The following GRHL1 variants were observed in gnomAD, a reference collection of about 807,000 sequenced individuals.
GRHL1 encodes grainyhead-like protein 1 homolog.
A neutral mutation model predicts 75.7 loss-of-function variants in GRHL1; 38 were observed. The ratio of observed to expected loss-of-function variants is 0.50; its 90% CI spans 0.39 to 0.66. The LOEUF is 0.66. Ranked by LOEUF, GRHL1 falls within the 30% of genes least tolerant of loss-of-function variation. The probability of loss-of-function intolerance (pLI) is 0.00; values close to 1 mark genes in which losing one functional copy is unlikely to be tolerated. For missense variants in GRHL1, 589 were observed against 767.5 expected (o/e 0.77, Z 2.75); for synonymous variants, 266 against 279.4 (o/e 0.95, Z 0.48).
At position 9,951,926 on chromosome 2, in the gene GRHL1, G is replaced by C. The variant is rs1183114167; in HGVS notation, c.20+73G>C. The C allele has an allele frequency of 3.8e-6, 4 of 1,057,876 alleles. No individual in the cohort carries two copies. In the East Asian group the frequency reaches 2.2e-4, roughly 58 times the overall value. 65.5% of individuals were successfully genotyped at this position (1,057,876 alleles called of 1,614,324 possible). ...GGGCCGCACCTGCAGCGAGCGAGCCGGGCGCAGACCCGAGGCCGCGCGGGC... is the reference window on the plus strand; with the variant it reads ...GGGCCGCACCTGCAGCGAGCGAGCCCGGCGCAGACCCGAGGCCGCGCGGGC... On this transcript the variant is annotated intron_variant, in intron 1 of 15. Coordinates refer to ENST00000324907, the MANE Select transcript of GRHL1 (RefSeq NM_198182.3). This position sits in a 1 kb window ranked among gnomAD's most constrained non-coding sequence, Gnocchi z 4.2.
At chr2:9,976,878 A>G (rs1467103234) in intron 8 of GRHL1, among the ~76,000 whole-genome samples, 1 of 152,204 alleles carries the variant, frequency 6.6e-6, no homozygotes, top group Admixed American at 6.5e-5. Flanking sequence ...TATGGCTGGA[A>G]AGGTGGATTG....
At chr2:9,970,388 A>G (rs2163336) in intron 8 of GRHL1, among the ~76,000 whole-genome samples, 59,439 of 152,198 alleles carry the variant, frequency 0.39, 13,360 homozygotes, top group African/African-American at 0.62. Flanking sequence ...TGTGTTGTGC[A>G]TTCCACGCTA....
At chr2:9,976,130 G>A (rs1667938677) in intron 8 of GRHL1, among the ~76,000 whole-genome samples, 1 of 152,084 alleles carries the variant, frequency 6.6e-6, no homozygotes, top group Non-Finnish European at 1.5e-5. Context: ...ATTTCTTATT[G>A]GCCAGGCACT....
chr2:9,991,523 C>T (rs1238980071), intron 10 of GRHL1, among the ~76,000 whole-genome samples: 1 of 138,326 alleles, frequency 7.2e-6, no homozygotes, highest in African/African-American at 2.8e-5. Flanking sequence ...AAGATGGAGT[C>T]TCTAACTTAC....
At chr2:9,988,018 A>G (rs1396126723) in intron 9 of GRHL1, among the ~76,000 whole-genome samples, 1 of 152,148 alleles carries the variant, frequency 6.6e-6, no homozygotes, top group Non-Finnish European at 1.5e-5. Flanking sequence ...CAGGTACACA[A>G]AGCACAGTGG....
At chr2:9,993,349 T>G in intron 12 of GRHL1, 105 bp downstream of exon 12, 2 of 941,684 alleles carry the variant, frequency 2.1e-6, no homozygotes, top group Non-Finnish European at 3.4e-6. Context: ...CCCTGAGCCA[T>G]CAAGGATAAG....
chr2:9,976,460 A>G (rs1667951492), intron 8 of GRHL1, among the ~76,000 whole-genome samples: 1 of 152,056 alleles, frequency 6.6e-6, no homozygotes, highest in Admixed American at 6.6e-5. Flanking sequence ...TCTCCAATCC[A>G]TGGGGTCTGT....
intron 14 of GRHL1, among the ~76,000 whole-genome samples, chr2:9,998,423 C>CGTGTGTGTGTGT (rs1553306759): frequency 0.036 from 1,212 of 33,794 alleles, 87 homozygotes; most frequent in Middle Eastern, 0.045. Flanking sequence ...AGTGACTATG[C>CGTGTGTGTGTGT]ATGTGTGTGT....
At chr2:9,985,388 C>T (rs1266608775) in intron 8 of GRHL1, among the ~76,000 whole-genome samples, 1 of 152,146 alleles carries the variant, frequency 6.6e-6, no homozygotes, top group Non-Finnish European at 1.5e-5. Flanking sequence ...AACGTTACCA[C>T]TTTTGTCTTA....
intron 8 of GRHL1, among the ~76,000 whole-genome samples, chr2:9,982,542 G>A (rs1220418306): frequency 6.6e-6 from 1 of 152,206 alleles, no homozygotes; most frequent in East Asian, 1.9e-4. Context: ...AGGCACTGTT[G>A]TACAGACAGG....
intron 12 of GRHL1, 27 bp from the exon 13 acceptor site, chr2:9,995,852 C>G (rs1176502957): frequency 7.3e-7 from 1 of 1,362,428 alleles, no homozygotes; most frequent in Non-Finnish European, 1.0e-6. Context: ...AGTTGAATCA[C>G]TAACGGCATA....
At chr2:10,000,561 G>T (rs1175313731) in intron 15 of GRHL1, 32 bp from the exon 16 acceptor site, 2 of 1,266,524 alleles carry the variant, frequency 1.6e-6, no homozygotes, top group Non-Finnish European at 2.3e-6. Flanking sequence ...AAGTGGCAGT[G>T]AAGTTGGTTG....
intron 2 of GRHL1, among the ~76,000 whole-genome samples, chr2:9,957,802 G>A (rs966600088): frequency 3.3e-5 from 5 of 152,200 alleles, no homozygotes; most frequent in East Asian, 3.8e-4. Context: ...ATTTTGGAGT[G>A]CGCAATGGGG....
At chr2:9,985,342 G>A (rs1052098160) in intron 8 of GRHL1, among the ~76,000 whole-genome samples, 3 of 152,188 alleles carry the variant, frequency 2.0e-5, no homozygotes, top group Non-Finnish European at 2.9e-5. Context: ...ACATTCCTGG[G>A]TGTTTAGTGA....
rs199745740 is a variant in GRHL1 at position 9,996,310 on chromosome 2, G to A, written c.1592-6G>A. On this transcript the variant is annotated splice_region_variant and splice_polypyrimidine_tract_variant and intron_variant, in intron 13 of 15. Transcript: ENST00000324907. ...CCTTCCTTATTCCTGGTTGGGGATT[G>A]ATTAGTGCTGCTCTACGTTCGAAAG... 6.3e-7 allele frequency: 1 copy of A among 1,599,416 alleles called. No homozygotes were observed. The highest frequency in any genetic ancestry group is 1.7e-5 in the Admixed American group (1 of 59,992).
intron 2 of GRHL1, 68 bp downstream of exon 2, chr2:9,955,169 CAG>C: frequency 9.8e-7 from 1 of 1,019,642 alleles, no homozygotes; most frequent in Non-Finnish European, 1.4e-6. Context: ...AGCATAGAAA[CAG>C]ACATTTGCTG....
intron 12 of GRHL1, 55 bp from the exon 13 acceptor site, chr2:9,995,824 T>C (rs1668837492): frequency 5.1e-6 from 5 of 977,484 alleles, no homozygotes; most frequent in Non-Finnish European, 8.2e-6. Context: ...AACACCTTAA[T>C]GTTGATGCAG....
intron 7 of GRHL1, 23 bp from the exon 8 acceptor site, chr2:9,965,264 T>G: frequency 7.3e-7 from 1 of 1,374,664 alleles, no homozygotes. Flanking sequence ...AGTTTTCATT[T>G]TCTCTTCCAC....
rs148376036 is a variant in GRHL1, at chr2:9,953,700, C to T, written c.21-1215C>T. On this transcript the variant is annotated intron_variant, in intron 1 of 15. Transcript: ENST00000324907. Reference sequence around the variant, plus strand: ...AAATCTGTATCTGTTCTTAAAGGCCCTGGGTGACTCCCAAACGCTAACCTT... The same window carrying T: ...AAATCTGTATCTGTTCTTAAAGGCCTTGGGTGACTCCCAAACGCTAACCTT... Among the ~76,000 whole-genome samples, 12 of 151,860 alleles carry T rather than the reference C, an allele frequency of 7.9e-5. No individual in the cohort carries two copies. The East Asian group carries it at 2.3e-3, about 29-fold the overall frequency.
Sources: gnomAD v4.1 joint callset for allele counts (sites outside exome capture counted in the v4.1 genomes callset) on GRCh38, gnomAD v4.1.1 for gene constraint, Gnocchi (gnomAD v3.1) non-coding constraint, MANE v1.5 for transcripts, NCBI Gene and HGNC (gene_info 2026-07-23, HGNC 2026-07-21) for gene names.